VWA5B1: variants seen among roughly 807,000 people sequenced by gnomAD.
VWA5B1 encodes von Willebrand factor A domain containing 5B1, also known as von Willebrand factor A domain-containing protein 5B1.
Under a neutral mutation model 118.2 loss-of-function variants are expected in VWA5B1, and 115 were observed. The observed-to-expected ratio is 0.97, with a 90% CI of 0.84 to 1.14. The LOEUF (loss-of-function observed/expected upper bound fraction) is 1.14, where lower values mean the gene tolerates loss of function less well. Ranked by LOEUF, VWA5B1 falls within the 50% of genes most tolerant of loss-of-function variation. VWA5B1 has a pLI of 0.00. For missense variants in VWA5B1, 1,596 were observed against 1,603.8 expected, an observed-to-expected ratio of 1.00 and a Z score of 0.08; for synonymous variants, 682 against 658.4, an observed-to-expected ratio of 1.04 and a Z score of -0.55.
chr1:20,293,485 C>T (rs2088350488), intron 1 of VWA5B1, among the ~76,000 whole-genome samples: 1 of 152,212 alleles, frequency 6.6e-6, no homozygotes, highest in Admixed American at 6.5e-5. Context: ...AAATACCTAC[C>T]TGGGTTTCTC....
chr1:20,317,915 T>A (rs1361820114), intron 5 of VWA5B1, among the ~76,000 whole-genome samples: 2 of 151,720 alleles, frequency 1.3e-5, no homozygotes, highest in African/African-American at 4.8e-5. Flanking sequence ...CGGAAGAATG[T>A]CCATGGGGAA....
chr1:20,321,213 A>G (rs993724855), intron 7 of VWA5B1, among the ~76,000 whole-genome samples: 1 of 152,182 alleles, frequency 6.6e-6, no homozygotes, highest in Non-Finnish European at 1.5e-5. Context: ...CAACAAATAA[A>G]TCTTAGGGGG....
chr1:20,317,621 A>G lies in VWA5B1; in HGVS notation c.655A>G (p.Met219Val). Residue 219 changes from methionine to valine, a missense_variant, in exon 5 of 22, where the codon ATG (methionine) becomes GTG (valine). Transcript: ENST00000289815. ...TLLNTEVSNP[M>V]EYEFNFQLEI... is the part of the protein sequence containing the mutation. ...CCTGAACACCGAAGTGTCCAACCCC[A>G]TGGAGTATGAGTTCAACTTCCAGCT... is the stretch of plus-strand genomic sequence containing the variant. 1 of 1,551,638 alleles carries G rather than the reference A, an allele frequency of 6.4e-7. No individual in the cohort carries two copies. The highest frequency in any genetic ancestry group is 8.7e-7 in the Non-Finnish European group (1 of 1,146,904).
At position 20,294,973 on chromosome 1, in the gene VWA5B1, A is replaced by C. The variant is rs116318336; in HGVS notation, c.-27+3885A>C. ...CAAAGAGCTAGCTATAGCAAACAGC[A>C]GTGCCACCCTCTAGAAGAGAACTTA... is the stretch of plus-strand genomic sequence containing the variant. On this transcript the variant is annotated intron_variant, in intron 1 of 21. Coordinates refer to ENST00000289815, the MANE Select transcript of VWA5B1 (RefSeq NM_001039500.3). Among the ~76,000 whole-genome samples, 1,055 of 152,356 alleles carry C rather than the reference A, an allele frequency of 6.9e-3. 5 individuals are homozygous for C. Among genetic ancestry groups the C allele is most frequent in the Admixed American group, 0.014 (220 of 15,298 alleles).
At chr1:20,327,620 G>A (rs191860625) in intron 8 of VWA5B1, among the ~76,000 whole-genome samples, 8 of 151,882 alleles carry the variant, frequency 5.3e-5, no homozygotes, top group African/African-American at 1.4e-4. Context: ...CCTGCTACAT[G>A]GATAAGTTTG....
At chr1:20,349,679 G>C (rs913640644) in intron 18 of VWA5B1, among the ~76,000 whole-genome samples, 5 of 150,442 alleles carry the variant, frequency 3.3e-5, no homozygotes, top group Non-Finnish European at 7.4e-5. Context: ...ACCATGCCTG[G>C]CTACAAATCC....
At chr1:20,318,844 G>C (rs564673570) in intron 6 of VWA5B1, 123 bp downstream of exon 6, 2 of 1,380,868 alleles carry the variant, frequency 1.4e-6, no homozygotes, top group East Asian at 5.3e-5. Flanking sequence ...GTCGGGGTGG[G>C]GGGTGTGGCC....
In VWA5B1 at chr1:20,350,169, T is replaced by C. The variant is rs752064494; in HGVS notation, c.2892T>C (p.Ser964=). The stretch of plus-strand genomic sequence containing the variant: ...CCTCTGTCCTAGACATGGAGGCAAG[T>C]CCCACTGCTCTCTTCAGCGAGGCCA... ...DSAPGNDMEA[S]PTALFSEARS... Residue 964 remains serine, a synonymous_variant, in exon 19 of 22, where the codon AGT becomes AGC. Transcript: ENST00000289815. 1.0e-5 allele frequency: 16 copies of C among 1,551,070 alleles called. 1 individual carries two copies. In the South Asian group the frequency reaches 1.9e-4, roughly 18 times the overall value.
chr1:20,336,129 A>C (rs922260182), intron 12 of VWA5B1, among the ~76,000 whole-genome samples, 174 bp from the exon 13 acceptor site: 1 of 152,254 alleles, frequency 6.6e-6, no homozygotes, highest in African/African-American at 2.4e-5. Flanking sequence ...TCCATTCACC[A>C]TCTCTTGAAC....
chr1:20,339,770 A>G (rs1288092332), intron 14 of VWA5B1, among the ~76,000 whole-genome samples: 3 of 151,656 alleles, frequency 2.0e-5, no homozygotes, highest in Non-Finnish European at 2.9e-5. Flanking sequence ...TTATTGAGGG[A>G]CCACTTGATG....
At chr1:20,350,273 A>G in intron 19 of VWA5B1, 43 bp downstream of exon 19, 1 of 1,548,466 alleles carries the variant, frequency 6.5e-7, no homozygotes, top group Non-Finnish European at 8.7e-7. Context: ...AGATGGTGAC[A>G]GGGATTGGTC....
At chr1:20,353,464 G>A (rs2090169073) in intron 21 of VWA5B1, among the ~76,000 whole-genome samples, 1 of 152,168 alleles carries the variant, frequency 6.6e-6, no homozygotes, top group Non-Finnish European at 1.5e-5. Context: ...AAAGAGGAAG[G>A]TGAGCTGCTA....
chr1:20,342,664 G>A, intron 15 of VWA5B1, 55 bp downstream of exon 15: 1 of 1,439,214 alleles, frequency 6.9e-7, no homozygotes, highest in South Asian at 1.5e-5. Flanking sequence ...ATCACTGGCT[G>A]TTGTTCAACT....
intron 14 of VWA5B1, among the ~76,000 whole-genome samples, chr1:20,339,705 C>T (rs1288205612): frequency 2.0e-5 from 3 of 151,964 alleles, no homozygotes; most frequent in Admixed American, 1.3e-4. Flanking sequence ...CACATAAGCC[C>T]GCTCTCTAAG....
chr1:20,321,217 T>A (rs2089204626), intron 7 of VWA5B1, among the ~76,000 whole-genome samples: 1 of 151,446 alleles, frequency 6.6e-6, no homozygotes, highest in South Asian at 2.1e-4. Context: ...AAATAAATCT[T>A]AGGGGGGCAA....
chr1:20,315,997 G>T (rs1046895568), intron 4 of VWA5B1, among the ~76,000 whole-genome samples: 1 of 152,178 alleles, frequency 6.6e-6, no homozygotes, highest in African/African-American at 2.4e-5. Flanking sequence ...CCACTGAGTG[G>T]GTCCTAATAC....
Position 20,345,440 on chromosome 1 carries a change from G to C in VWA5B1, c.2627-16G>C. On this transcript the variant is annotated splice_polypyrimidine_tract_variant and intron_variant, in intron 16 of 21. Coordinates refer to ENST00000289815, the MANE Select transcript of VWA5B1 (RefSeq NM_001039500.3). ...TTTCTGAGTCCAAACAGTGACCCCA[G>C]TTTCTCCCTCCACAGGGTCCAACCG... is the stretch of plus-strand genomic sequence containing the variant. 1.3e-6 allele frequency: 2 copies of C among 1,550,758 alleles called. No homozygotes were observed. The highest frequency in any genetic ancestry group is 1.7e-6 in the Non-Finnish European group (2 of 1,146,972).
rs752841229 is a variant in VWA5B1 at position 20,345,528 on chromosome 1, C to A, written c.2699C>A (p.Ala900Asp). Residue 900 changes from alanine to aspartate, a missense_variant, in exon 17 of 22, where the codon GCC (alanine) becomes GAC (aspartate). By Grantham distance (126) the Ala-to-Asp change is moderately radical. Coordinates refer to ENST00000289815, the MANE Select transcript of VWA5B1 (RefSeq NM_001039500.3). ...TGCAACATCATTAGCAAATACACAG[C>A]CTTCGTGCCTGTGGACGTGAGCAAG... Reference protein sequence around the residue: ...KACNIISKYTAFVPVDVSKSR... With the variant: ...KACNIISKYTDFVPVDVSKSR... 9.7e-6 allele frequency: 15 copies of A among 1,551,136 alleles called. No homozygotes were observed. The East Asian group carries it at 2.0e-4, about 20-fold the overall frequency.
rs183282766 is a variant in VWA5B1, at chr1:20,349,600, C to T, written c.2879-556C>T. On this transcript the variant is annotated intron_variant, in intron 18 of 21. Transcript: ENST00000289815. ...GTTTCACCATATTGGCCAGGCTGGT[C>T]GCGAACTCCTGACCTCAAATGGTTC... Among the ~76,000 whole-genome samples, 835 of 151,980 alleles carry T rather than the reference C, an allele frequency of 5.5e-3. 9 individuals are homozygous for T. Among genetic ancestry groups the T allele is most frequent in the African/African-American group, 0.019 (792 of 41,452 alleles).
Sources: allele counts gnomAD v4.1 joint callset (sites outside exome capture counted in the v4.1 genomes callset), GRCh38; gene constraint gnomAD v4.1.1; transcripts MANE v1.5; gene names NCBI Gene and HGNC (gene_info 2026-07-23, HGNC 2026-07-21).